The following ABHD2 variants were observed in gnomAD, a reference collection of about 807,000 sequenced individuals.
ABHD2 encodes monoacylglycerol lipase ABHD2.
A neutral mutation model predicts 48.1 loss-of-function variants in ABHD2; 20 were observed. The ratio of observed to expected loss-of-function variants is 0.42; its 90% CI spans 0.29 to 0.60. The LOEUF (loss-of-function observed/expected upper bound fraction) is 0.60, where lower values mean the gene tolerates loss of function less well. ABHD2 is among the 20% of genes least tolerant of loss of function. The pLI is 0.24. For synonymous variants in ABHD2, 209 were observed against 214.2 expected, an observed-to-expected ratio of 0.98 and a Z score of 0.21; for missense variants, 405 against 550.9, an observed-to-expected ratio of 0.74 and a Z score of 2.65.
At chr15:89,068,558 G>A in the ABHD2 span, among the ~76,000 whole-genome samples, 3 of 152,060 alleles carry the variant, frequency 2.0e-5, no homozygotes, top group Non-Finnish European at 2.9e-5. Flanking sequence ...CTCTCCACAC[G>A]GGCTAGCTGG....
intron 3 of ABHD2, among the ~76,000 whole-genome samples, chr15:89,131,395 C>G (rs1033240944): frequency 3.9e-5 from 6 of 152,192 alleles, no homozygotes; most frequent in Non-Finnish European, 8.8e-5. Flanking sequence ...TGAATGCTTT[C>G]TGGACATTTA....
In ABHD2 at chr15:89,165,322, C is replaced by T. The variant is rs150210250; in HGVS notation, c.538+9788C>T. Among the ~76,000 whole-genome samples the T allele has an allele frequency of 1.3e-3, 203 of 152,128 alleles. 2 individuals are homozygous for T. The highest frequency in any genetic ancestry group is 4.6e-3 in the African/African-American group (190 of 41,490). On this transcript the variant is annotated intron_variant, in intron 5 of 10. Coordinates refer to ENST00000352732, the MANE Select transcript of ABHD2 (RefSeq NM_152924.5). ...TTTTTTTTTAAAAAAATTCCTCACA[C>T]TTAACTTTTGTATAGTTCATAAATT...
chr15:89,145,900 C>T (rs1452760484), intron 3 of ABHD2, among the ~76,000 whole-genome samples: 1 of 152,170 alleles, frequency 6.6e-6, no homozygotes, highest in East Asian at 1.9e-4. Context: ...ATTTAGTAGG[C>T]ACCCCAGTGT....
intron 1 of ABHD2, chr15:89,103,762 T>C (rs2049737955): frequency 1.3e-5 from 2 of 152,228 alleles, no homozygotes; most frequent in Admixed American, 1.3e-4. Flanking sequence ...GACCTACAAG[T>C]TGGGGGCAAA....
At chr15:89,129,610 G>A (rs568011421) in intron 3 of ABHD2, among the ~76,000 whole-genome samples, 11 of 152,188 alleles carry the variant, frequency 7.2e-5, no homozygotes, top group East Asian at 5.8e-4. Flanking sequence ...CCAAGTGAGA[G>A]GGTGAAGTTA....
chr15:89,125,898 G>C (rs539812895), intron 3 of ABHD2, among the ~76,000 whole-genome samples: 44 of 152,142 alleles, frequency 2.9e-4, no homozygotes, highest in Admixed American at 8.5e-4. Context: ...TCTTCTTAGA[G>C]ACTTTATGCC....
Position 89,155,558 on chromosome 15 carries a change from T to C in ABHD2, c.538+24T>C. On this transcript the variant is annotated intron_variant, in intron 5 of 10. Transcript: ENST00000352732. This position sits in a 1 kb window ranked among gnomAD's most constrained non-coding sequence, Gnocchi z 4.9. The stretch of plus-strand genomic sequence containing the variant: ...TGGTAAGCATGGCTAAGTGGAGTCC[T>C]CCCTTTTTCTGCAAGTGTGCTACTA... The C allele has an allele frequency of 6.3e-7, 1 of 1,593,380 alleles. No individual in the cohort carries two copies. Among genetic ancestry groups the C allele is most frequent in the African/African-American group, 1.3e-5 (1 of 74,472 alleles).
intron 1 of ABHD2, among the ~76,000 whole-genome samples, chr15:89,109,341 A>G (rs293384): frequency 0.35 from 52,718 of 152,084 alleles, 9,890 homozygotes; most frequent in Non-Finnish European, 0.44. Flanking sequence ...TGGAATTCTG[A>G]CTACCATTTA....
chr15:89,075,895 C>T, the ABHD2 span, among the ~76,000 whole-genome samples: 2 of 152,160 alleles, frequency 1.3e-5, no homozygotes, highest in African/African-American at 4.8e-5. The surrounding 1 kb of genome is among the most constrained non-coding windows in gnomAD (Gnocchi z 4.1). Flanking sequence ...CACCAGAGTC[C>T]CAAGCTACCA....
At chr15:89,045,404 A>G in the ABHD2 span, among the ~76,000 whole-genome samples, 1 of 152,134 alleles carries the variant, frequency 6.6e-6, no homozygotes, top group Admixed American at 6.5e-5. Context: ...TTTTGGTTCC[A>G]TATGAACTTT....
chr15:89,053,939 A>G, the ABHD2 span, among the ~76,000 whole-genome samples: 1 of 152,184 alleles, frequency 6.6e-6, no homozygotes, highest in African/African-American at 2.4e-5. Context: ...CTTGCCAAGT[A>G]CAGCACCTGA....
At chr15:89,060,080 G>A in the ABHD2 span, among the ~76,000 whole-genome samples, 3 of 133,248 alleles carry the variant, frequency 2.3e-5, no homozygotes, top group Admixed American at 8.3e-5. Context: ...ACCACTCCAA[G>A]GCCTTTTTTT....
chr15:89,162,438 G>A (rs899020707), intron 5 of ABHD2, among the ~76,000 whole-genome samples: 2 of 152,132 alleles, frequency 1.3e-5, no homozygotes, highest in Admixed American at 6.5e-5. Flanking sequence ...TGGGGTCACT[G>A]GATGTGACAT....
chr15:89,159,700 G>C (rs1217058218), intron 5 of ABHD2, among the ~76,000 whole-genome samples: 2 of 152,194 alleles, frequency 1.3e-5, no homozygotes, highest in Non-Finnish European at 2.9e-5. Flanking sequence ...AAAACCCTTG[G>C]AGATGAGGTG....
chr15:89,055,565 C>T, the ABHD2 span, among the ~76,000 whole-genome samples: 1 of 152,060 alleles, frequency 6.6e-6, no homozygotes, highest in East Asian at 1.9e-4. Context: ...GAACTCTGGA[C>T]CACAAGCGAT....
chr15:89,042,956 C>T, the ABHD2 span, among the ~76,000 whole-genome samples: 11 of 152,180 alleles, frequency 7.2e-5, no homozygotes, highest in South Asian at 8.3e-4. Context: ...GCATAAGCCA[C>T]GGCGCCCGGC....
At chr15:89,101,318 G>T (rs2049697105) in intron 1 of ABHD2, among the ~76,000 whole-genome samples, 1 of 152,162 alleles carries the variant, frequency 6.6e-6, no homozygotes, top group Admixed American at 6.5e-5. Flanking sequence ...TTTTTGGATG[G>T]ATAATTATTT....
chr15:89,171,722 G>A (rs1389782429), intron 5 of ABHD2, among the ~76,000 whole-genome samples: 1 of 152,140 alleles, frequency 6.6e-6, no homozygotes, highest in Non-Finnish European at 1.5e-5. Flanking sequence ...CTGAAAAGGG[G>A]TGGCCCAGAG....
intron 5 of ABHD2, among the ~76,000 whole-genome samples, chr15:89,158,075 G>A (rs2050703367): frequency 6.6e-6 from 1 of 152,230 alleles, no homozygotes; most frequent in Non-Finnish European, 1.5e-5. Context: ...GGCCAGGATG[G>A]AGATTTGGGA....
Sources: allele counts gnomAD v4.1 joint callset (sites outside exome capture counted in the v4.1 genomes callset), GRCh38; gene constraint gnomAD v4.1.1; non-coding constraint Gnocchi (gnomAD v3.1); transcripts MANE v1.5; gene names NCBI Gene and HGNC (gene_info 2026-07-23, HGNC 2026-07-21).